UGP2: variants seen among roughly 807,000 people sequenced by gnomAD.
UGP2 encodes the protein UTP--glucose-1-phosphate uridylyltransferase.
Under a neutral mutation model 49.0 loss-of-function variants are expected in UGP2, and 40 were observed. The observed-to-expected ratio is 0.82, with a 90% CI of 0.63 to 1.06. The LOEUF (loss-of-function observed/expected upper bound fraction) is 1.06. Among genes scored for constraint, UGP2 ranks in the 50% least tolerant of loss-of-function variants. The pLI is 0.00. For missense variants in UGP2, 460 were observed against 603.5 expected (o/e 0.76, Z 2.49); for synonymous variants, 225 against 213.0 (o/e 1.06, Z -0.49).
intron 3 of UGP2, chr2:63,862,901 T>G: frequency 2.2e-6 from 1 of 455,288 alleles, no homozygotes; most frequent in Middle Eastern, 3.3e-4. Flanking sequence ...ACTAAGGACT[T>G]TACTGGAACA....
chr2:63,857,782 A>C (rs1331220402), intron 2 of UGP2, 47 bp from the exon 3 acceptor site: 1 of 1,509,806 alleles, frequency 6.6e-7, no homozygotes, highest in Admixed American at 1.9e-5. Flanking sequence ...GTTTTTATTA[A>C]ATATTAAGCA....
intron 3 of UGP2, among the ~76,000 whole-genome samples, chr2:63,870,089 AT>A (rs1351189949): frequency 6.6e-6 from 1 of 151,808 alleles, no homozygotes; most frequent in Non-Finnish European, 1.5e-5. Flanking sequence ...TGCCTGGCTA[AT>A]TTTTTGTATT....
chr2:63,863,405 C>G (rs1242834347), intron 3 of UGP2, among the ~76,000 whole-genome samples: 1 of 151,832 alleles, frequency 6.6e-6, no homozygotes, highest in Non-Finnish European at 1.5e-5. Context: ...CTCTAGTTTT[C>G]CAGGTTTAAA....
intron 1 of UGP2, among the ~76,000 whole-genome samples, chr2:63,855,114 T>C (rs762365254): frequency 6.6e-6 from 1 of 152,262 alleles, no homozygotes; most frequent in South Asian, 2.1e-4. Flanking sequence ...ACAGCTACTT[T>C]AGTTACTTCT....
chr2:63,842,529 C>A, intron 1 of UGP2: 1 of 1,533,182 alleles, frequency 6.5e-7, no homozygotes, highest in South Asian at 1.2e-5. Context: ...TTTTCCTGGT[C>A]TGTGTCAAGG....
chr2:63,860,460 G>T (rs1669758796), intron 3 of UGP2, among the ~76,000 whole-genome samples: 1 of 152,118 alleles, frequency 6.6e-6, no homozygotes, highest in African/African-American at 2.4e-5. Context: ...TTATTATCTA[G>T]CCTATTTACT....
intron 4 of UGP2, among the ~76,000 whole-genome samples, chr2:63,883,658 G>GGT (rs1671467194): frequency 6.6e-6 from 1 of 152,196 alleles, no homozygotes; most frequent in Non-Finnish European, 1.5e-5. Context: ...AGGGTGGGGA[G>GGT]GTGGGGGTCC....
chr2:63,859,613 G>A (rs540265850), intron 3 of UGP2, among the ~76,000 whole-genome samples: 231 of 152,208 alleles, frequency 1.5e-3, no homozygotes, highest in Non-Finnish European at 1.7e-3. Flanking sequence ...ATTCTTTCAG[G>A]AGGCTATGCC....
Position 63,856,443 on chromosome 2 carries a change from T to C in UGP2, c.147+10T>C. 1 of 1,607,898 alleles carries C rather than the reference T, an allele frequency of 6.2e-7. No homozygotes were observed. Among genetic ancestry groups the C allele is most frequent in the South Asian group, 1.1e-5 (1 of 90,776 alleles). ...ATCACATGAATTTGAGGTAAGGAGGTTTCTACAGTGTTCCACCCCCCCGCC... is the reference window on the plus strand; with the variant it reads ...ATCACATGAATTTGAGGTAAGGAGGCTTCTACAGTGTTCCACCCCCCCGCC... On this transcript the variant is annotated intron_variant, in intron 2 of 9. Coordinates refer to ENST00000337130, the MANE Select transcript of UGP2 (RefSeq NM_006759.4).
In UGP2 at chr2:63,891,245, A is replaced by T; in HGVS notation, c.*18A>T. 6.3e-7 allele frequency: 1 copy of T among 1,581,816 alleles called. No homozygotes were observed. On this transcript the variant is annotated 3_prime_UTR_variant, in exon 10 of 10. Transcript: ENST00000337130. Reference sequence around the variant, plus strand: ...ACCACTGAAATGAAAAATACTGTGGACACTTAAATAATGGGCTAGTTTCTT... The same window carrying T: ...ACCACTGAAATGAAAAATACTGTGGTCACTTAAATAATGGGCTAGTTTCTT...
chr2:63,852,421 TGGAATA>T (rs869069813), intron 1 of UGP2, among the ~76,000 whole-genome samples: 1 of 152,374 alleles, frequency 6.6e-6, no homozygotes, highest in Non-Finnish European at 1.5e-5. Flanking sequence ...ATGTCCCAAA[TGGAATA>T]GGAAATTGCA....
At chr2:63,861,770 G>A (rs1669869836) in intron 3 of UGP2, among the ~76,000 whole-genome samples, 1 of 151,884 alleles carries the variant, frequency 6.6e-6, no homozygotes, top group South Asian at 2.1e-4. Context: ...TTTGTGAACA[G>A]GGAGGAGTTA....
intron 1 of UGP2, chr2:63,842,641 C>G (rs1392072271): frequency 1.4e-6 from 2 of 1,415,226 alleles, no homozygotes; most frequent in East Asian, 2.5e-5. Flanking sequence ...TAGTGTTCTC[C>G]GCTTCTACTT....
chr2:63,885,538 T>A, intron 5 of UGP2, 51 bp from the exon 6 acceptor site: 1 of 1,389,956 alleles, frequency 7.2e-7, no homozygotes, highest in Non-Finnish European at 9.5e-7. Context: ...TTTAAAGGCC[T>A]GAAATGCTCT....
At chr2:63,861,363 G>GTATT in intron 3 of UGP2, among the ~76,000 whole-genome samples, 1 of 152,104 alleles carries the variant, frequency 6.6e-6, no homozygotes, top group East Asian at 1.9e-4. Flanking sequence ...GTTCAAGAAG[G>GTATT]TATTGGAGCT....
intron 1 of UGP2, among the ~76,000 whole-genome samples, chr2:63,847,478 C>T (rs929667003): frequency 1.3e-5 from 2 of 152,130 alleles, no homozygotes; most frequent in Admixed American, 1.3e-4. Flanking sequence ...CATGCTCGTC[C>T]GTGTGAAGAG....
At chr2:63,876,945 AAGTATATTT>A (rs1392841731) in intron 3 of UGP2, among the ~76,000 whole-genome samples, 6 of 152,268 alleles carry the variant, frequency 3.9e-5, no homozygotes, top group Admixed American at 1.3e-4. Flanking sequence ...TTAAAACTAG[AAGTATATTT>A]AGTATACCTT....
At position 63,862,773 on chromosome 2, in the gene UGP2, C is replaced by G. The variant is rs151242484; in HGVS notation, c.255+4837C>G. On this transcript the variant is annotated intron_variant, in intron 3 of 9. Coordinates refer to ENST00000337130, the MANE Select transcript of UGP2 (RefSeq NM_006759.4). ...TGCCAGTCCCTCCAATTCCAATTTCCACCCCACAGAGAAAGTATGGTGTTA... is the reference window on the plus strand; with the variant it reads ...TGCCAGTCCCTCCAATTCCAATTTCGACCCCACAGAGAAAGTATGGTGTTA... The G allele has an allele frequency of 5.3e-5, 24 of 454,254 alleles. No individual in the cohort carries two copies. The Admixed American group carries it at 5.7e-4, about 11-fold the overall frequency. 28.1% of individuals were successfully genotyped at this position (454,254 alleles called of 1,614,324 possible). A position where few individuals can be genotyped will look rare whatever the true frequency, so the allele number is the denominator to read the frequency against.
intron 6 of UGP2, among the ~76,000 whole-genome samples, chr2:63,886,138 G>T (rs1461811380): frequency 6.6e-6 from 1 of 152,096 alleles, no homozygotes; most frequent in East Asian, 1.9e-4. Context: ...TGAAACATGT[G>T]AAATCTTTCA....
Sources: gnomAD v4.1 joint callset for allele counts (sites outside exome capture counted in the v4.1 genomes callset) on GRCh38, gnomAD v4.1.1 for gene constraint, MANE v1.5 for transcripts, NCBI Gene and HGNC (gene_info 2026-07-23, HGNC 2026-07-21) for gene names.